The following STK32C variants were observed in gnomAD, a reference collection of about 807,000 sequenced individuals.
The protein encoded by STK32C is serine/threonine-protein kinase 32C.
A neutral mutation model predicts 56.5 loss-of-function variants in STK32C; 31 were observed. That is an observed-to-expected ratio of 0.55 (90% CI 0.41 to 0.74). The LOEUF (loss-of-function observed/expected upper bound fraction) is 0.74. Ranked by LOEUF, STK32C falls within the 30% of genes least tolerant of loss-of-function variation. The pLI, the probability that STK32C is intolerant of heterozygous loss-of-function variation, is 0.00. For synonymous variants in STK32C, 309 were observed against 289.4 expected (o/e 1.07, Z -0.69); for missense variants, 544 against 676.9 (o/e 0.80, Z 2.18).
chr10:132,331,423 T>G (rs778533378), intron 1 of STK32C: 1 of 1,604,182 alleles, frequency 6.2e-7, no homozygotes, highest in African/African-American at 1.3e-5. Flanking sequence ...AAACCCTTCC[T>G]CAGGACACTC....
At chr10:132,229,681 C>A (rs1039373161) in intron 2 of STK32C, among the ~76,000 whole-genome samples, 1 of 152,212 alleles carries the variant, frequency 6.6e-6, no homozygotes, top group Non-Finnish European at 1.5e-5. Context: ...TCAGTCACAT[C>A]CTGGCTCCGG....
At chr10:132,328,567 C>T (rs543873716) in intron 1 of STK32C, among the ~76,000 whole-genome samples, 8 of 152,224 alleles carry the variant, frequency 5.3e-5, no homozygotes, top group African/African-American at 9.6e-5. Flanking sequence ...GGGGTATTTT[C>T]GGGAAAGGGC....
In STK32C at chr10:132,254,640, C is replaced by T. The variant is rs1360858072; in HGVS notation, c.263-8685G>A. On this transcript the variant is annotated intron_variant, in intron 1 of 11. Transcript: ENST00000298630. The stretch of plus-strand genomic sequence containing the variant: ...GCCCAGGAGAGTAAAATAAGCCTGC[C>T]GCAGGGCGCCGGGAATCAGCACTAT... Among the ~76,000 whole-genome samples, 9 of 48,240 alleles carry T rather than the reference C, an allele frequency of 1.9e-4. 3 individuals are homozygous for T. In the South Asian group the frequency reaches 5.7e-3, roughly 30 times the overall value. The allele number at this position is 48,240 out of a possible 152,430, so 31.6% of individuals were successfully genotyped here.
rs117435420 is a variant in STK32C at position 132,288,211 on chromosome 10, G to A, written c.262+19361C>T. On this transcript the variant is annotated intron_variant, in intron 1 of 11. Transcript: ENST00000298630. ...GGGAAAAAAATCCTCAACCCTCACC[G>A]CATGTGAAACACAAAAATTAACAGC... Among the ~76,000 whole-genome samples, 1,269 of 152,244 alleles carry A rather than the reference G, an allele frequency of 8.3e-3. 9 individuals carry two copies. Among genetic ancestry groups the A allele is most frequent in the Middle Eastern group, 0.027 (8 of 294 alleles).
intron 2 of STK32C, among the ~76,000 whole-genome samples, chr10:132,232,540 G>C (rs1447649185): frequency 6.6e-6 from 1 of 152,094 alleles, no homozygotes; most frequent in Non-Finnish European, 1.5e-5. Flanking sequence ...GGGGGGCTGA[G>C]GGCAGGCAGG....
chr10:132,258,667 A>G (rs1485223541), intron 1 of STK32C, among the ~76,000 whole-genome samples: 1 of 152,230 alleles, frequency 6.6e-6, no homozygotes, highest in African/African-American at 2.4e-5. Flanking sequence ...CGCCCTGGGT[A>G]CCGACTGCTG....
chr10:132,253,469 TGGAGGGAGTC>T (rs1236565736), intron 1 of STK32C, among the ~76,000 whole-genome samples: 5 of 121,504 alleles, frequency 4.1e-5, no homozygotes, highest in Admixed American at 1.6e-4. Flanking sequence ...TGGAGGGAGC[TGGAGGGAGTC>T]GAGGGAGCTG....
chr10:132,241,439 G>A (rs1220139963), intron 2 of STK32C, among the ~76,000 whole-genome samples: 7 of 152,200 alleles, frequency 4.6e-5, no homozygotes, highest in Admixed American at 1.3e-4. Flanking sequence ...TAGGAACGAC[G>A]TATCATCAAC....
chr10:132,311,710 A>G (rs969509026), upstream of STK32C, among the ~76,000 whole-genome samples: 5 of 152,170 alleles, frequency 3.3e-5, no homozygotes, highest in African/African-American at 1.2e-4. This position sits in a 1 kb window ranked among gnomAD's most constrained non-coding sequence, Gnocchi z 4.4. Context: ...TGCCACCATC[A>G]TCACGTTGCC....
chr10:132,257,223 G>A (rs1257305499), intron 1 of STK32C, among the ~76,000 whole-genome samples: 13 of 152,264 alleles, frequency 8.5e-5, no homozygotes, highest in Admixed American at 5.9e-4. Context: ...AGGCCAGCAC[G>A]AGATGGGTAG....
intron 1 of STK32C, among the ~76,000 whole-genome samples, chr10:132,252,225 C>G (rs545154126): frequency 6.6e-6 from 1 of 152,260 alleles, no homozygotes; most frequent in African/African-American, 2.4e-5. Flanking sequence ...AGGAGGGAGA[C>G]AACCTCCTGG....
intron 8 of STK32C, among the ~76,000 whole-genome samples, chr10:132,223,439 G>A (rs2062756771): frequency 6.6e-6 from 1 of 152,234 alleles, no homozygotes; most frequent in Non-Finnish European, 1.5e-5. Context: ...ACATCCCAGC[G>A]CTGGCACCTC....
Position 132,275,676 on chromosome 10 carries a change from G to A in STK32C, c.263-29721C>T, listed in dbSNP as rs1271334001. 2.0e-5 allele frequency among the ~76,000 whole-genome samples: 3 copies of A among 152,206 alleles called. No individual in the cohort carries two copies. The East Asian group carries it at 5.8e-4, about 29-fold the overall frequency. ...CCACCCACCGTCACTGACGCATCATGCCGCAGGGATGAGGACCTGGGCCCA... is the reference window on the plus strand; with the variant it reads ...CCACCCACCGTCACTGACGCATCATACCGCAGGGATGAGGACCTGGGCCCA... On this transcript the variant is annotated intron_variant, in intron 1 of 11. Coordinates refer to ENST00000298630, the MANE Select transcript of STK32C (RefSeq NM_173575.4).
intron 1 of STK32C, among the ~76,000 whole-genome samples, chr10:132,329,601 TTGGA>T (rs1199320890): frequency 6.6e-6 from 1 of 152,022 alleles, no homozygotes; most frequent in African/African-American, 2.4e-5. Context: ...AACAAACTAA[TTGGA>T]TGGAGACAGA....
intron 2 of STK32C, among the ~76,000 whole-genome samples, chr10:132,234,433 C>A (rs776622304): frequency 6.6e-6 from 1 of 152,308 alleles, no homozygotes; most frequent in East Asian, 1.9e-4. Context: ...TTGCCCACTT[C>A]GCTTTTTCTG....
chr10:132,300,616 T>C (rs2065884442), intron 1 of STK32C, among the ~76,000 whole-genome samples: 1 of 152,216 alleles, frequency 6.6e-6, no homozygotes, highest in Non-Finnish European at 1.5e-5. Flanking sequence ...CCCCAAACTG[T>C]CTCAAGTTCT....
chr10:132,318,044 T>TTCC (rs1474221202), intron 1 of STK32C, among the ~76,000 whole-genome samples: 132 of 127,150 alleles, frequency 1.0e-3, no homozygotes, highest in African/African-American at 4.0e-3. Flanking sequence ...CCAAGGAGGG[T>TTCC]GGATCACAAG....
intron 1 of STK32C, among the ~76,000 whole-genome samples, chr10:132,260,598 C>A (rs1332756632): frequency 1.3e-5 from 2 of 152,194 alleles, no homozygotes; most frequent in African/African-American, 2.4e-5. Flanking sequence ...TTCAAGGGGA[C>A]TGCTCTGCTT....
intron 2 of STK32C, among the ~76,000 whole-genome samples, chr10:132,233,224 G>C (rs1287102246): frequency 6.6e-6 from 1 of 152,184 alleles, no homozygotes; most frequent in Non-Finnish European, 1.5e-5. Context: ...GTGCAGCCCA[G>C]TATGGGGCCT....
Sources: gnomAD v4.1 joint callset for allele counts (sites outside exome capture counted in the v4.1 genomes callset) on GRCh38, gnomAD v4.1.1 for gene constraint, Gnocchi (gnomAD v3.1) non-coding constraint, MANE v1.5 for transcripts, NCBI Gene and HGNC (gene_info 2026-07-23, HGNC 2026-07-21) for gene names.